The following NLRP7 variants were observed in gnomAD, a reference collection of about 807,000 sequenced individuals.
NLRP7 encodes NLR family pyrin domain containing 7, also known as NACHT, LRR and PYD domains-containing protein 7.
NLRP7 carries 72 observed loss-of-function variants against 85.5 expected under a neutral mutation model. The ratio of observed to expected loss-of-function variants is 0.84; its 90% CI spans 0.70 to 1.02. The LOEUF (loss-of-function observed/expected upper bound fraction) is 1.02. Ranked by LOEUF, NLRP7 falls within the 50% of genes least tolerant of loss-of-function variation. The pLI is 0.00. For synonymous variants in NLRP7, 550 were observed against 505.2 expected (o/e 1.09, Z -1.19); for missense variants, 1,243 against 1,219.5 (o/e 1.02, Z -0.29).
At chr19:54,927,808 C>T in intron 9 of NLRP7, 33 bp from the exon 10 acceptor site, 2 of 1,601,110 alleles carry the variant, frequency 1.2e-6, no homozygotes, top group Non-Finnish European at 1.7e-6. Flanking sequence ...TCCACGCATT[C>T]ACTGAGCAGG....
chr19:54,951,665 G>A (rs1052926472), upstream of NLRP7, among the ~76,000 whole-genome samples: 2 of 151,972 alleles, frequency 1.3e-5, no homozygotes, highest in Non-Finnish European at 2.9e-5. Flanking sequence ...CATCCTGGCT[G>A]CTGTGTATCA....
At chr19:54,927,844 C>T in intron 9 of NLRP7, 69 bp from the exon 10 acceptor site, 2 of 1,433,958 alleles carry the variant, frequency 1.4e-6, no homozygotes, top group Non-Finnish European at 2.0e-6. Flanking sequence ...GTAATCCCAA[C>T]ACTTCGGGAG....
intron 1 of NLRP7, 117 bp downstream of exon 1, chr19:54,947,352 C>T: frequency 1.4e-6 from 1 of 714,814 alleles, no homozygotes; most frequent in South Asian, 1.5e-5. Flanking sequence ...AAAGATCCTT[C>T]CAGCATCCTC....
rs545279875 is a variant in NLRP7 at position 54,934,319 on chromosome 19, C to T, written c.2471+170G>A. Among the ~76,000 whole-genome samples, 20 of 152,218 alleles carry T rather than the reference C, an allele frequency of 1.3e-4. No individual in the cohort carries two copies. Among genetic ancestry groups the T allele is most frequent in the Admixed American group, 5.9e-4 (9 of 15,262 alleles). ...CTCGAACTCCTGAACTCAGATGATCCGCCCACCTCTCTGCTGAGATTACAG... is the reference window on the plus strand; with the variant it reads ...CTCGAACTCCTGAACTCAGATGATCTGCCCACCTCTCTGCTGAGATTACAG... On this transcript the variant is annotated intron_variant, in intron 7 of 9. Coordinates refer to ENST00000340844, the Ensembl canonical transcript of NLRP7. This position sits in a 1 kb window ranked among gnomAD's most constrained non-coding sequence, Gnocchi z 6.7.
chr19:54,959,433 G>C (rs182002304), intron 1 of NLRP7, among the ~76,000 whole-genome samples: 1 of 149,698 alleles, frequency 6.7e-6, no homozygotes, highest in African/African-American at 2.5e-5. Context: ...CACCGTGCCC[G>C]GCCTCCTTGT....
rs555863660 is a variant in NLRP7, at chr19:54,934,637, G to T, written c.2323C>A (p.Pro775Thr). 6.2e-7 allele frequency: 1 copy of T among 1,613,768 alleles called. No homozygotes were observed. The highest frequency in any genetic ancestry group is 1.7e-5 in the Admixed American group (1 of 59,986). Residue 775 changes from proline to threonine, a missense_variant, in exon 7 of 10, where the codon CCG (proline) becomes ACG (threonine). Pro to Thr is a conservative substitution (Grantham distance 38, BLOSUM62 -1). This residue lies in a region of NLRP7 where 613 missense variants were observed against 588.4 expected (regional missense o/e 1.04). Transcript: ENST00000340844. This position sits in a 1 kb window ranked among gnomAD's most constrained non-coding sequence, Gnocchi z 6.7. Reference sequence around the variant, plus strand: ...TAGAAGAATTCAGCCCACTGCTCCGGGGTGGCACAGTGACCTCCCAACCTG... The same window carrying T: ...TAGAAGAATTCAGCCCACTGCTCCGTGGTGGCACAGTGACCTCCCAACCTG...
rs768825867 is a variant in NLRP7, at chr19:54,934,890, T to A, written c.2301-231A>T. On this transcript the variant is annotated intron_variant, in intron 6 of 9. Coordinates refer to ENST00000340844, the Ensembl canonical transcript of NLRP7. This position sits in a 1 kb window ranked among gnomAD's most constrained non-coding sequence, Gnocchi z 6.7. ...TTTTGTATTTTTAGTAGAGACGGGA[T>A]TTCACCATGTTGGCCACACTGGTCT... is the stretch of plus-strand genomic sequence containing the variant. Among the ~76,000 whole-genome samples the A allele has an allele frequency of 6.6e-6, 1 of 152,058 alleles. No homozygotes were observed. Among genetic ancestry groups the A allele is most frequent in the Admixed American group, 6.6e-5 (1 of 15,240 alleles).
intron 1 of NLRP7, among the ~76,000 whole-genome samples, chr19:54,942,708 T>A (rs960497587): frequency 2.0e-5 from 3 of 151,788 alleles, no homozygotes; most frequent in African/African-American, 4.8e-5. Flanking sequence ...AGAACAAGAC[T>A]CTGTCTCAAA....
At chr19:54,939,948 T>A (rs757325777) in exon 4 of NLRP7, 1 of 1,614,134 alleles carries the variant, frequency 6.2e-7, no homozygotes, top group Non-Finnish European at 8.5e-7. Flanking sequence ...CTGGGTAACA[T>A]CTTCCTCTTC....
At chr19:54,962,597 CTTTT>C (rs2070086297) in intron 1 of NLRP7, among the ~76,000 whole-genome samples, 1 of 146,102 alleles carries the variant, frequency 6.8e-6, no homozygotes, top group Non-Finnish European at 1.5e-5. Flanking sequence ...TTCTTTCTTT[CTTTT>C]TTGTTTGTTT....
At chr19:54,949,272 T>TA (rs2069594426), upstream of NLRP7, among the ~76,000 whole-genome samples, 1 of 147,494 alleles carries the variant, frequency 6.8e-6, no homozygotes, top group African/African-American at 2.5e-5. Context: ...AGACTCCATC[T>TA]TTAAAAAAAA....
chr19:54,950,569 G>A (rs1229938350), upstream of NLRP7, among the ~76,000 whole-genome samples: 1 of 152,124 alleles, frequency 6.6e-6, no homozygotes, highest in Non-Finnish European at 1.5e-5. Context: ...TCATAGACAA[G>A]GTAAAGAACT....
rs1377823819 is a variant in NLRP7, at chr19:54,932,475, A to C, written c.2642+1094T>G. On this transcript the variant is annotated intron_variant, in intron 8 of 9. Transcript: ENST00000340844. Reference sequence around the variant, plus strand: ...AAATGACCACTAGCTAGAATTTCTGAACAGGAACAGGTCTTCAACCCTATG... The same window carrying C: ...AAATGACCACTAGCTAGAATTTCTGCACAGGAACAGGTCTTCAACCCTATG... 2.0e-5 allele frequency among the ~76,000 whole-genome samples: 3 copies of C among 152,068 alleles called. No homozygotes were observed. The East Asian group carries it at 5.8e-4, about 29-fold the overall frequency.
chr19:54,935,201 G>A (rs891392816), intron 6 of NLRP7, among the ~76,000 whole-genome samples: 15 of 147,748 alleles, frequency 1.0e-4, no homozygotes, highest in Admixed American at 5.6e-4. Context: ...TCACCAAAAC[G>A]GCCTGTGTGG....
chr19:54,930,499 C>A (rs759185995), exon 9 of NLRP7: 1 of 1,598,188 alleles, frequency 6.3e-7, no homozygotes, highest in African/African-American at 1.3e-5. Flanking sequence ...AATCGCCTAC[C>A]GTAGGTGTTT....
chr19:54,933,279 G>A (rs2068753783), intron 8 of NLRP7, among the ~76,000 whole-genome samples: 1 of 152,068 alleles, frequency 6.6e-6, no homozygotes, highest in African/African-American at 2.4e-5. Flanking sequence ...CCAAGTAGCT[G>A]GGACTACAGG....
intron 1 of NLRP7, among the ~76,000 whole-genome samples, chr19:54,946,272 C>T (rs560874488): frequency 1.1e-4 from 17 of 150,948 alleles, no homozygotes; most frequent in African/African-American, 2.2e-4. Flanking sequence ...AGTGCAGTGG[C>T]GCAATCTCAG....
chr19:54,964,022 G>GGT (rs2070182586), intron 1 of NLRP7, among the ~76,000 whole-genome samples: 1 of 147,966 alleles, frequency 6.8e-6, no homozygotes, highest in Non-Finnish European at 1.5e-5. Flanking sequence ...TGGGATTACA[G>GGT]GCACCCGCCA....
At chr19:54,955,248 G>C (rs2069814281) in intron 1 of NLRP7, among the ~76,000 whole-genome samples, 2 of 151,524 alleles carry the variant, frequency 1.3e-5, no homozygotes, top group South Asian at 4.2e-4. Context: ...AGAATCACTT[G>C]AACCCGGGTG....
Sources: gnomAD v4.1 joint callset for allele counts (sites outside exome capture counted in the v4.1 genomes callset) on GRCh38, gnomAD v4.1.1 for gene constraint, gnomAD v4.1.1 regional missense constraint, Gnocchi (gnomAD v3.1) non-coding constraint, MANE v1.5 for transcripts, NCBI Gene and HGNC (gene_info 2026-07-23, HGNC 2026-07-21) for gene names.